BACH2: variants seen among roughly 807,000 people sequenced by gnomAD.
The protein encoded by BACH2 is transcription regulator protein BACH2.
Under a neutral mutation model 61.8 loss-of-function variants are expected in BACH2, and 5 were observed. The ratio of observed to expected loss-of-function variants is 0.08; its 90% CI spans 0.04 to 0.17. BACH2 has a LOEUF of 0.17. Among genes scored for constraint, BACH2 ranks in the 10% least tolerant of loss-of-function variants. The pLI, the probability that BACH2 is intolerant of heterozygous loss-of-function variation, is 1.00. For missense variants in BACH2, 824 were observed against 1,091.1 expected (o/e 0.76, Z 3.45); for synonymous variants, 446 against 440.1 (o/e 1.01, Z -0.17).
intron 1 of BACH2, among the ~76,000 whole-genome samples, chr6:90,293,224 T>C (rs1772236679): frequency 6.6e-6 from 1 of 152,172 alleles, no homozygotes; most frequent in South Asian, 2.1e-4. Context: ...AGATATTTAT[T>C]TATCTAAGTA....
At chr6:90,284,454 C>T (rs1012268022) in intron 1 of BACH2, among the ~76,000 whole-genome samples, 3 of 152,160 alleles carry the variant, frequency 2.0e-5, no homozygotes, top group African/African-American at 7.2e-5. Flanking sequence ...AATACCACAG[C>T]CCTCCGCAAT....
intron 5 of BACH2, among the ~76,000 whole-genome samples, chr6:90,087,657 G>A (rs930660331): frequency 2.0e-5 from 3 of 152,112 alleles, no homozygotes; most frequent in Admixed American, 2.0e-4. Flanking sequence ...TGAGAACTTA[G>A]AATCTCACAA....
chr6:90,000,973 A>T (rs1777104046), intron 6 of BACH2, among the ~76,000 whole-genome samples: 1 of 152,146 alleles, frequency 6.6e-6, no homozygotes, highest in Non-Finnish European at 1.5e-5. Flanking sequence ...CCTGACCAAC[A>T]GGATTTTTTC....
chr6:90,231,494 C>T (rs1453713456), intron 3 of BACH2, among the ~76,000 whole-genome samples: 2 of 152,338 alleles, frequency 1.3e-5, no homozygotes, highest in East Asian at 3.9e-4. Flanking sequence ...CGTTCTCCAA[C>T]TCCAATCCAG....
At chr6:90,197,456 T>C (rs1261410536) in intron 4 of BACH2, among the ~76,000 whole-genome samples, 1 of 152,210 alleles carries the variant, frequency 6.6e-6, no homozygotes, top group Non-Finnish European at 1.5e-5. Flanking sequence ...ATTAACTAAG[T>C]AGAATTCTCT....
intron 6 of BACH2, among the ~76,000 whole-genome samples, chr6:89,962,562 T>C (rs56062826): frequency 0.1 from 15,173 of 152,276 alleles, 839 homozygotes; most frequent in South Asian, 0.14. Flanking sequence ...GTTTTTCCAG[T>C]GTTTAAAATA....
intron 3 of BACH2, among the ~76,000 whole-genome samples, chr6:90,243,292 T>G (rs1450283251): frequency 6.6e-6 from 1 of 152,150 alleles, no homozygotes; most frequent in Non-Finnish European, 1.5e-5. Flanking sequence ...GTTATGCAAT[T>G]CTTAAGAAGG....
chr6:89,957,070 C>T (rs924152521), intron 6 of BACH2, among the ~76,000 whole-genome samples: 1 of 152,206 alleles, frequency 6.6e-6, no homozygotes, highest in African/African-American at 2.4e-5. Flanking sequence ...AGGTAATGAA[C>T]CCCTGCCCAA....
chr6:89,958,676 G>A (rs1774562523), intron 6 of BACH2, among the ~76,000 whole-genome samples: 1 of 152,218 alleles, frequency 6.6e-6, no homozygotes, highest in Non-Finnish European at 1.5e-5. Flanking sequence ...AGGATGCTGG[G>A]AGGACAGGGC....
chr6:90,196,821 T>C (rs759753965), intron 4 of BACH2, among the ~76,000 whole-genome samples: 1 of 152,054 alleles, frequency 6.6e-6, no homozygotes, highest in East Asian at 1.9e-4. Flanking sequence ...TTGAGAGTGG[T>C]AAGAAATTAC....
At chr6:90,267,995 G>A (rs889570594) in intron 2 of BACH2, among the ~76,000 whole-genome samples, 6 of 147,738 alleles carry the variant, frequency 4.1e-5, no homozygotes, top group Non-Finnish European at 9.0e-5. Context: ...ATTTTTTTCT[G>A]CACTTGCCTT....
chr6:90,000,131 AC>A (rs1201755305), intron 6 of BACH2, among the ~76,000 whole-genome samples: 1 of 152,202 alleles, frequency 6.6e-6, no homozygotes, highest in Admixed American at 6.5e-5. Flanking sequence ...GGCTATTTTC[AC>A]ACTAGATTTC....
At chr6:89,957,115 T>C (rs1340795460) in intron 6 of BACH2, among the ~76,000 whole-genome samples, 2 of 152,172 alleles carry the variant, frequency 1.3e-5, no homozygotes, top group Non-Finnish European at 2.9e-5. Flanking sequence ...TGACAACCCC[T>C]CTGGGTTGTA....
intron 1 of BACH2, among the ~76,000 whole-genome samples, chr6:90,291,613 CAAA>C (rs367983479): frequency 8.6e-6 from 1 of 115,930 alleles, no homozygotes; most frequent in Admixed American, 8.2e-5. Context: ...TCATCACAAA[CAAA>C]AAAAAAAAGG....
At chr6:90,027,618 TTTC>T (rs1474215245) in intron 5 of BACH2, among the ~76,000 whole-genome samples, 1 of 152,180 alleles carries the variant, frequency 6.6e-6, no homozygotes, top group Non-Finnish European at 1.5e-5. Flanking sequence ...TGTTTCGCAC[TTTC>T]TTGACTCTAA....
intron 2 of BACH2, among the ~76,000 whole-genome samples, chr6:90,259,457 G>A (rs1255894141): frequency 6.6e-6 from 1 of 152,158 alleles, no homozygotes; most frequent in East Asian, 1.9e-4. Flanking sequence ...TTGATGTGTT[G>A]TTGGATTTGG....
intron 3 of BACH2, among the ~76,000 whole-genome samples, chr6:90,239,798 TAC>T (rs59169449): frequency 0.28 from 37,054 of 131,648 alleles, 5,028 homozygotes; most frequent in Non-Finnish European, 0.32. Flanking sequence ...GGGGGGGGAA[TAC>T]ACACACACAC....
At chr6:90,071,564 T>C (rs1297401493) in intron 5 of BACH2, among the ~76,000 whole-genome samples, 1 of 152,228 alleles carries the variant, frequency 6.6e-6, no homozygotes, top group Admixed American at 6.5e-5. Context: ...CAGCCTTTTC[T>C]TCCCCATTGC....
rs1049521994 is a variant in BACH2, at chr6:90,252,608, G to C, written c.-352-18C>G. 6.6e-6 allele frequency: 1 copy of C among 152,094 alleles called. No individual in the cohort carries two copies. The allele number at this position is 152,094 out of a possible 1,614,324, so 9.4% of individuals were successfully genotyped here. ...ACTCTTATCTAAAGCAAAAGTAATG[G>C]ATATGATTATCACTCTGGACAGAAA... On this transcript the variant is annotated intron_variant, in intron 2 of 8. Coordinates refer to ENST00000257749, the MANE Select transcript of BACH2 (RefSeq NM_021813.4).
Sources: allele counts gnomAD v4.1 joint callset (sites outside exome capture counted in the v4.1 genomes callset), GRCh38; gene constraint gnomAD v4.1.1; transcripts MANE v1.5; gene names NCBI Gene and HGNC (gene_info 2026-07-23, HGNC 2026-07-21).